LRRC4C: variants seen among roughly 807,000 people sequenced by gnomAD.
LRRC4C encodes the protein leucine-rich repeat-containing protein 4C.
A neutral mutation model predicts 33.6 loss-of-function variants in LRRC4C; 5 were observed. That is an observed-to-expected ratio of 0.15 (90% CI 0.08 to 0.31). The LOEUF is 0.31. Among genes scored for constraint, LRRC4C ranks in the 10% least tolerant of loss-of-function variants. The pLI is 1.00. For synonymous variants in LRRC4C, 329 were observed against 302.0 expected (o/e 1.09, Z -0.93); for missense variants, 560 against 796.7 (o/e 0.70, Z 3.58).
intron 2 of LRRC4C, among the ~76,000 whole-genome samples, chr11:40,872,471 T>C (rs535817446): frequency 2.0e-5 from 3 of 152,290 alleles, no homozygotes; most frequent in Admixed American, 1.3e-4. Flanking sequence ...TTTCTGAGCA[T>C]CTTCCACATT....
intron 2 of LRRC4C, among the ~76,000 whole-genome samples, chr11:40,796,156 T>C (rs938393780): frequency 6.6e-6 from 1 of 152,176 alleles, no homozygotes; most frequent in Non-Finnish European, 1.5e-5. Context: ...ACAGTAAATT[T>C]GTCTAATTCC....
intron 2 of LRRC4C, among the ~76,000 whole-genome samples, chr11:40,864,539 C>T (rs1359839840): frequency 1.3e-5 from 2 of 152,172 alleles, no homozygotes; most frequent in African/African-American, 4.8e-5. Context: ...TCTGGTCTTA[C>T]AGAGAAACGT....
chr11:41,350,948 G>A (rs1234087018), intron 1 of LRRC4C, among the ~76,000 whole-genome samples: 1 of 152,150 alleles, frequency 6.6e-6, no homozygotes, highest in Non-Finnish European at 1.5e-5. Context: ...AAAATATAGA[G>A]GCTGGGTGTG....
chr11:41,401,088 T>C (rs1388096965), intron 1 of LRRC4C, among the ~76,000 whole-genome samples: 1 of 151,884 alleles, frequency 6.6e-6, no homozygotes, highest in Non-Finnish European at 1.5e-5. Context: ...ATGTTGAAGA[T>C]ATGTTTTAGA....
chr11:41,125,282 A>ATAAT (rs59112601), intron 1 of LRRC4C, among the ~76,000 whole-genome samples: 101,329 of 151,496 alleles, frequency 0.67, 35,192 homozygotes, highest in East Asian at 0.91. Context: ...TGAAATGAAA[A>ATAAT]TAACATTTAA....
intron 1 of LRRC4C, among the ~76,000 whole-genome samples, chr11:41,344,921 T>C (rs148153813): frequency 2.2e-4 from 34 of 152,356 alleles, no homozygotes; most frequent in African/African-American, 7.9e-4. Context: ...CTGCCTCTGA[T>C]AGTCGTTGCA....
intron 2 of LRRC4C, among the ~76,000 whole-genome samples, chr11:40,908,548 T>C (rs955215863): frequency 2.6e-5 from 4 of 151,950 alleles, no homozygotes; most frequent in African/African-American, 9.7e-5. Flanking sequence ...AAATGAAAAA[T>C]AAATTAAAAA....
At chr11:41,248,540 T>C (rs1948527131) in intron 1 of LRRC4C, among the ~76,000 whole-genome samples, 1 of 152,206 alleles carries the variant, frequency 6.6e-6, no homozygotes, top group African/African-American at 2.4e-5. Context: ...ACAAATGTTC[T>C]TCCTTCTCAG....
intron 1 of LRRC4C, among the ~76,000 whole-genome samples, chr11:41,029,418 G>C (rs1158925402): frequency 1.3e-5 from 2 of 151,718 alleles, no homozygotes; most frequent in Non-Finnish European, 3.0e-5. Flanking sequence ...CTCAACAGCT[G>C]CTGGTTTGAG....
chr11:40,576,335 T>C (rs1042226417), intron 3 of LRRC4C, among the ~76,000 whole-genome samples: 2 of 152,214 alleles, frequency 1.3e-5, no homozygotes, highest in African/African-American at 4.8e-5. Context: ...ATCAAGACCT[T>C]TGGTCACTGT....
chr11:41,019,673 C>T (rs1004149291), intron 1 of LRRC4C, among the ~76,000 whole-genome samples: 1 of 152,128 alleles, frequency 6.6e-6, no homozygotes, highest in African/African-American at 2.4e-5. Context: ...CATAGCCTCA[C>T]CAGCATCTAC....
At chr11:40,485,248 G>GACACAC (rs61129430) in intron 3 of LRRC4C, among the ~76,000 whole-genome samples, 15 of 150,600 alleles carry the variant, frequency 1.0e-4, no homozygotes, top group African/African-American at 2.9e-4. Flanking sequence ...TGATAAGAGG[G>GACACAC]ACACACACAC....
intron 1 of LRRC4C, among the ~76,000 whole-genome samples, chr11:41,252,959 AT>A (rs1306480598): frequency 6.6e-6 from 1 of 152,174 alleles, no homozygotes; most frequent in Non-Finnish European, 1.5e-5. Context: ...TGTGGGAATT[AT>A]GGGAGCTACA....
At chr11:40,733,094 G>A (rs1354090895) in intron 2 of LRRC4C, among the ~76,000 whole-genome samples, 1 of 40,984 alleles carries the variant, frequency 2.4e-5, no homozygotes, top group African/African-American at 7.9e-5. Flanking sequence ...TTTTTTTTTT[G>A]AGATGGAGTC....
At chr11:40,397,849 T>C (rs1949603497) in intron 3 of LRRC4C, among the ~76,000 whole-genome samples, 1 of 152,074 alleles carries the variant, frequency 6.6e-6, no homozygotes, top group Non-Finnish European at 1.5e-5. Flanking sequence ...TGGGAAAGGT[T>C]GTAGAAAAAT....
intron 2 of LRRC4C, among the ~76,000 whole-genome samples, chr11:40,760,235 A>C (rs1949141504): frequency 6.6e-6 from 1 of 152,088 alleles, no homozygotes; most frequent in African/African-American, 2.4e-5. Flanking sequence ...ACATTGAGTA[A>C]TTTTATGAAA....
Position 40,936,050 on chromosome 11 carries a change from ATATATATATATATAT to A in LRRC4C, c.-495-2342_-495-2328del, listed in dbSNP as rs1565219327. Reference sequence around the variant, plus strand: ...TATATATATATATATATATATATATATATATATATATATATAACATAGTTTGAACCTTAACTCTGT... The same window carrying A: ...TATATATATATATATATATATATATAAACATAGTTTGAACCTTAACTCTGT... On this transcript the variant is annotated intron_variant, in intron 1 of 6. Coordinates refer to ENST00000528697, the MANE Select transcript of LRRC4C (RefSeq NM_001258419.2). Among the ~76,000 whole-genome samples, 92 of 88,058 alleles carry A rather than the reference ATATATATATATATAT, an allele frequency of 1.0e-3. 3 individuals carry two copies. Among genetic ancestry groups the A allele is most frequent in the Admixed American group, 1.5e-3 (12 of 7,870 alleles). 57.8% of individuals were successfully genotyped at this position (88,058 alleles called of 152,430 possible).
chr11:40,908,736 G>C (rs1956537286), intron 2 of LRRC4C, among the ~76,000 whole-genome samples: 1 of 152,106 alleles, frequency 6.6e-6, no homozygotes, highest in Non-Finnish European at 1.5e-5. Flanking sequence ...ATATAAATTA[G>C]ACCTTGATTT....
In LRRC4C at chr11:40,938,290, C is replaced by G. The variant is rs564939422; in HGVS notation, c.-495-4567G>C. Among the ~76,000 whole-genome samples, 61 of 152,144 alleles carry G rather than the reference C, an allele frequency of 4.0e-4. 1 individual carries two copies. In the South Asian group the frequency reaches 0.012, roughly 30 times the overall value. On this transcript the variant is annotated intron_variant, in intron 1 of 6. Transcript: ENST00000528697. ...TTTCTCCATTTGGATGAGTGCACCG[C>G]AATGATTCTGTACTGTCACAGAGAA...
Sources: gnomAD v4.1 joint callset for allele counts (sites outside exome capture counted in the v4.1 genomes callset) on GRCh38, gnomAD v4.1.1 for gene constraint, MANE v1.5 for transcripts, NCBI Gene and HGNC (gene_info 2026-07-23, HGNC 2026-07-21) for gene names.